KIF26B: variants seen among roughly 807,000 people sequenced by gnomAD.
The protein encoded by KIF26B is kinesin family member 26B.
In KIF26B, 63 loss-of-function variants were observed where a neutral mutation model predicts 151.2. The ratio of observed to expected loss-of-function variants is 0.42; its 90% CI spans 0.34 to 0.51. The LOEUF is 0.51. Ranked by LOEUF, KIF26B falls within the 20% of genes least tolerant of loss-of-function variation. KIF26B has a pLI of 0.07. For missense variants in KIF26B, 2,813 were observed against 2,913.6 expected (o/e 0.97, Z 0.79); for synonymous variants, 1,357 against 1,262.1 (o/e 1.08, Z -1.59).
chr1:245,563,512 T>C lies in KIF26B; in HGVS notation c.1350+22562T>C, dbSNP rs1034866976. Among the ~76,000 whole-genome samples, 2 of 152,146 alleles carry C rather than the reference T, an allele frequency of 1.3e-5. No individual in the cohort carries two copies. Among genetic ancestry groups the C allele is most frequent in the African/African-American group, 2.4e-5 (1 of 41,436 alleles). On this transcript the variant is annotated intron_variant, in intron 5 of 14. Transcript: ENST00000407071. The surrounding 1 kb of genome is among the most constrained non-coding windows in gnomAD (Gnocchi z 4.6). ...TTGAAACTTTCTCCCTCTCACTTAC[T>C]CCTCCACGTGTCCCATTTCTCTGCC...
rs1259067208 is a variant in KIF26B at position 245,606,170 on chromosome 1, C to A, written c.1558-1481C>A. Among the ~76,000 whole-genome samples the A allele has an allele frequency of 6.6e-6, 1 of 152,078 alleles. No homozygotes were observed. The highest frequency in any genetic ancestry group is 1.5e-5 in the Non-Finnish European group (1 of 68,016). On this transcript the variant is annotated intron_variant, in intron 6 of 14. Coordinates refer to ENST00000407071, the MANE Select transcript of KIF26B (RefSeq NM_018012.4). The surrounding 1 kb of genome is among the most constrained non-coding windows in gnomAD (Gnocchi z 4.6). Reference sequence around the variant, plus strand: ...CCTACAGCAGCCCTGTCCTGCCACCCCCTCTGGCCCAGGAGGAGCCCCCCG... The same window carrying A: ...CCTACAGCAGCCCTGTCCTGCCACCACCTCTGGCCCAGGAGGAGCCCCCCG...
chr1:245,523,282 A>G (rs1183221084), intron 4 of KIF26B, among the ~76,000 whole-genome samples: 1 of 152,180 alleles, frequency 6.6e-6, no homozygotes. Context: ...ATTTGGTCCC[A>G]TATTCTCAAT....
intron 4 of KIF26B, among the ~76,000 whole-genome samples, chr1:245,491,995 C>A (rs1433211586): frequency 1.3e-5 from 2 of 152,262 alleles, no homozygotes; most frequent in African/African-American, 4.8e-5. Flanking sequence ...TACCAAATTT[C>A]TCTTCACCTC....
At chr1:245,325,479 C>T (rs112285901) in intron 2 of KIF26B, among the ~76,000 whole-genome samples, 8 of 152,254 alleles carry the variant, frequency 5.3e-5, no homozygotes, top group African/African-American at 1.4e-4. Flanking sequence ...TTTGGAAAGC[C>T]GAGGCAGGCA....
intron 2 of KIF26B, among the ~76,000 whole-genome samples, chr1:245,342,915 G>A (rs766458521): frequency 2.6e-5 from 4 of 151,930 alleles, no homozygotes; most frequent in South Asian, 2.1e-4. Flanking sequence ...GTGAAACCCC[G>A]TCTCTGCTAA....
intron 12 of KIF26B, among the ~76,000 whole-genome samples, chr1:245,690,357 C>T (rs968670435): frequency 6.6e-6 from 1 of 152,122 alleles, no homozygotes; most frequent in African/African-American, 2.4e-5. Context: ...GGGATCCGTG[C>T]CCGCAGCATA....
chr1:245,411,230 G>A (rs574913984), intron 3 of KIF26B, among the ~76,000 whole-genome samples: 2 of 152,302 alleles, frequency 1.3e-5, no homozygotes, highest in South Asian at 2.1e-4. Context: ...AGGCATCACC[G>A]CGGTTCTGGG....
intron 2 of KIF26B, among the ~76,000 whole-genome samples, chr1:245,184,070 G>GTTTTTTTTTTTTTTTTTTTTTTTTTTTTA (rs1553332290): frequency 1.4e-4 from 1 of 7,176 alleles, no homozygotes. Context: ...TTTTTTTTTT[G>GTTTTTTTTTTTTTTTTTTTTTTTTTTTTA]AGCTTTCTTA....
intron 5 of KIF26B, among the ~76,000 whole-genome samples, chr1:245,593,681 A>C (rs1280759432): frequency 6.6e-6 from 1 of 152,100 alleles, no homozygotes; most frequent in African/African-American, 2.4e-5. Flanking sequence ...CTTTGGGTAT[A>C]TACCCAGTAA....
chr1:245,253,012 T>C (rs1670471192), intron 2 of KIF26B, among the ~76,000 whole-genome samples: 1 of 147,926 alleles, frequency 6.8e-6, no homozygotes, highest in Non-Finnish European at 1.5e-5. Context: ...TTTCTTAATT[T>C]TTTTTTTTTT....
intron 4 of KIF26B, among the ~76,000 whole-genome samples, chr1:245,521,940 G>T (rs896216558): frequency 6.6e-6 from 1 of 150,820 alleles, no homozygotes; most frequent in Admixed American, 6.7e-5. Context: ...TGCGATCTCG[G>T]CTCACTGCAA....
intron 4 of KIF26B, among the ~76,000 whole-genome samples, chr1:245,431,210 G>T (rs1184879402): frequency 1.3e-5 from 2 of 152,132 alleles, no homozygotes; most frequent in African/African-American, 2.4e-5. Context: ...ACAGAGTCTC[G>T]CTCCGTCGCC....
In KIF26B at chr1:245,390,407, C is replaced by T. The variant is rs532899386; in HGVS notation, c.999+23040C>T. Among the ~76,000 whole-genome samples the T allele has an allele frequency of 1.1e-4, 16 of 152,042 alleles. No individual in the cohort carries two copies. In the East Asian group the frequency reaches 1.9e-3, roughly 18 times the overall value. ...TAATTTCTTTGTATTTTTGTAGACA[C>T]GGGGTTTCACCATGTTGGCCAGGAT... is the stretch of plus-strand genomic sequence containing the variant. On this transcript the variant is annotated intron_variant, in intron 3 of 14. Transcript: ENST00000407071.
At chr1:245,246,896 C>G (rs200447667) in intron 2 of KIF26B, among the ~76,000 whole-genome samples, 7 of 108,494 alleles carry the variant, frequency 6.5e-5, no homozygotes, top group East Asian at 2.9e-4. Context: ...CACACACAGA[C>G]ACACACACAC....
intron 2 of KIF26B, among the ~76,000 whole-genome samples, chr1:245,322,615 T>C (rs1393422368): frequency 6.6e-6 from 1 of 152,214 alleles, no homozygotes; most frequent in Non-Finnish European, 1.5e-5. Context: ...TAGTAACTGA[T>C]GTTTAACAAC....
Position 245,510,576 on chromosome 1 carries a change from TTCTCTCTC to T in KIF26B, c.1167-30159_1167-30152del, listed in dbSNP as rs4021193. ...TCTCGGCTGTCTCTTTTAGCAGAGC[TTCTCTCTC>T]TCTCTCTCTCTCTCTCTCTCTCTCT... On this transcript the variant is annotated intron_variant, in intron 4 of 14. Transcript: ENST00000407071. 5.4e-3 allele frequency among the ~76,000 whole-genome samples: 716 copies of T among 133,386 alleles called. 1 individual carries two copies. The highest frequency in any genetic ancestry group is 7.1e-3 in the Middle Eastern group (2 of 282). The allele number at this position is 133,386 out of a possible 152,430, so 87.5% of individuals were successfully genotyped here.
intron 2 of KIF26B, among the ~76,000 whole-genome samples, chr1:245,314,313 G>A (rs948851768): frequency 4.6e-5 from 7 of 152,226 alleles, no homozygotes; most frequent in African/African-American, 7.2e-5. Context: ...TTAGCCAGGC[G>A]TGGTGGTGGG....
intron 2 of KIF26B, among the ~76,000 whole-genome samples, chr1:245,184,050 G>GTTTTTTGTT (rs1553332272): frequency 4.0e-4 from 8 of 19,810 alleles, no homozygotes; most frequent in African/African-American, 1.1e-3. Flanking sequence ...GGGAGTTGTT[G>GTTTTTTGTT]TTTTTTTTTT....
rs1671832713 is a variant in KIF26B at position 245,318,924 on chromosome 1, CT to C, written c.466-47909del. On this transcript the variant is annotated intron_variant, in intron 2 of 14. Transcript: ENST00000407071. The surrounding 1 kb of genome is among the most constrained non-coding windows in gnomAD (Gnocchi z 4.0). ...AACCAAAATCTACTGCATTTTACTC[CT>C]ATTTAGGAAGAAGTAAACTTTTGTA... Among the ~76,000 whole-genome samples the C allele has an allele frequency of 2.0e-5, 3 of 152,244 alleles. No individual in the cohort carries two copies. Among genetic ancestry groups the C allele is most frequent in the Admixed American group, 6.5e-5 (1 of 15,292 alleles).
Sources: gnomAD v4.1 joint callset for allele counts (sites outside exome capture counted in the v4.1 genomes callset) on GRCh38, gnomAD v4.1.1 for gene constraint, Gnocchi (gnomAD v3.1) non-coding constraint, MANE v1.5 for transcripts, NCBI Gene and HGNC (gene_info 2026-07-23, HGNC 2026-07-21) for gene names.